Variants in RNF212B observed in about 807,000 individuals in gnomAD.
RNF212B encodes the protein ring finger protein 212B.
RNF212B carries 52 observed loss-of-function variants against 55.5 expected under a neutral mutation model. That is an observed-to-expected ratio of 0.94 (90% CI 0.75 to 1.18). The LOEUF (loss-of-function observed/expected upper bound fraction) is 1.18, where lower values mean the gene tolerates loss of function less well. Ranked by LOEUF, RNF212B falls within the 50% of genes most tolerant of loss-of-function variation. RNF212B has a pLI of 0.00. For missense variants in RNF212B, 289 were observed against 350.4 expected, an observed-to-expected ratio of 0.82 and a Z score of 1.40; for synonymous variants, 99 against 121.4, an observed-to-expected ratio of 0.82 and a Z score of 1.21.
intron 8 of RNF212B, 96 bp from the exon 9 acceptor site, chr14:23,262,832 A>T (rs889890991): frequency 1.4e-6 from 2 of 1,455,534 alleles, no homozygotes; most frequent in African/African-American, 1.4e-5. Flanking sequence ...ATATGAAAAC[A>T]TTATATAACC....
At chr14:23,215,059 T>C (rs972882207) in intron 2 of RNF212B, among the ~76,000 whole-genome samples, 1 of 152,200 alleles carries the variant, frequency 6.6e-6, no homozygotes, top group Non-Finnish European at 1.5e-5. Flanking sequence ...GTAATTCCAA[T>C]GTGTTGAGGG....
At chr14:23,195,515 C>T (rs188420555) in intron 2 of RNF212B, among the ~76,000 whole-genome samples, 19 of 152,268 alleles carry the variant, frequency 1.2e-4, no homozygotes, top group Admixed American at 5.2e-4. Flanking sequence ...TAATGCTCTT[C>T]CTTCATTATA....
At chr14:23,226,800 T>TTTA (rs1882069703) in intron 2 of RNF212B, among the ~76,000 whole-genome samples, 1 of 106,120 alleles carries the variant, frequency 9.4e-6, no homozygotes, top group Admixed American at 1.3e-4. Context: ...CCTTTCCTTC[T>TTTA]TTCTTCTTCT....
At chr14:23,214,480 T>G (rs1880878961) in intron 2 of RNF212B, among the ~76,000 whole-genome samples, 1 of 151,698 alleles carries the variant, frequency 6.6e-6, no homozygotes, top group African/African-American at 2.4e-5. Context: ...GGCAACAGAG[T>G]GAGACTCAGT....
At chr14:23,199,731 C>G (rs146040042) in intron 2 of RNF212B, among the ~76,000 whole-genome samples, 3,109 of 152,108 alleles carry the variant, frequency 0.02, 47 homozygotes, top group Non-Finnish European at 0.031. Context: ...CAACAACAAA[C>G]AAAAGAACAT....
At chr14:23,231,814 A>G (rs1177864656) in intron 2 of RNF212B, among the ~76,000 whole-genome samples, 3 of 151,976 alleles carry the variant, frequency 2.0e-5, no homozygotes, top group Admixed American at 2.0e-4. Flanking sequence ...TGGTTTTTGT[A>G]TTTTTTTGGT....
intron 2 of RNF212B, among the ~76,000 whole-genome samples, chr14:23,198,713 C>T (rs184490320): frequency 5.9e-4 from 89 of 151,574 alleles, no homozygotes; most frequent in Non-Finnish European, 5.3e-4. Flanking sequence ...AAACACTATA[C>T]TCTAGCTGGT....
chr14:23,196,067 C>T (rs899629045), intron 2 of RNF212B, among the ~76,000 whole-genome samples: 22 of 152,156 alleles, frequency 1.4e-4, no homozygotes, highest in African/African-American at 5.1e-4. Flanking sequence ...TGCTTACTAC[C>T]ACTTGGTCAC....
chr14:23,244,213 G>GT, intron 3 of RNF212B, 109 bp from the exon 4 acceptor site: 1 of 579,158 alleles, frequency 1.7e-6, no homozygotes, highest in East Asian at 3.0e-5. Flanking sequence ...ACACAGTGGA[G>GT]ATAATGTCAG....
At chr14:23,251,909 C>G (rs1420706604) in intron 4 of RNF212B, among the ~76,000 whole-genome samples, 1 of 151,662 alleles carries the variant, frequency 6.6e-6, no homozygotes, top group African/African-American at 2.4e-5. Flanking sequence ...GCTTCCATAC[C>G]CTCTCCAGAT....
chr14:23,196,712 G>A (rs1878749721), intron 2 of RNF212B, among the ~76,000 whole-genome samples: 1 of 152,188 alleles, frequency 6.6e-6, no homozygotes, highest in Non-Finnish European at 1.5e-5. Flanking sequence ...AAAGTGCTGG[G>A]ATTACAGGCA....
At chr14:23,258,692 G>C in intron 5 of RNF212B, 28 bp downstream of exon 5, 4 of 811,338 alleles carry the variant, frequency 4.9e-6, no homozygotes, top group Non-Finnish European at 7.1e-6. Flanking sequence ...TCCCAAGAGA[G>C]CTTTTTTTTT....
intron 3 of RNF212B, 78 bp from the exon 4 acceptor site, chr14:23,244,244 C>T (rs1327597157): frequency 4.1e-5 from 32 of 788,584 alleles, no homozygotes; most frequent in Non-Finnish European, 6.4e-5. Context: ...AAAGGTGGTA[C>T]ATCTTTTGTC....
intron 2 of RNF212B, among the ~76,000 whole-genome samples, chr14:23,207,688 T>C (rs566093593): frequency 6.3e-4 from 96 of 152,332 alleles, no homozygotes; most frequent in African/African-American, 2.1e-3. Flanking sequence ...ATGCGAATCC[T>C]GAAAATTTGA....
At chr14:23,202,042 G>A (rs746535809) in intron 2 of RNF212B, among the ~76,000 whole-genome samples, 3 of 151,834 alleles carry the variant, frequency 2.0e-5, no homozygotes, top group Admixed American at 1.3e-4. Flanking sequence ...CTTGAGGTCC[G>A]GAGTTCGAGA....
intron 2 of RNF212B, among the ~76,000 whole-genome samples, chr14:23,200,232 G>T (rs1879155828): frequency 6.6e-6 from 1 of 151,984 alleles, no homozygotes; most frequent in African/African-American, 2.4e-5. Flanking sequence ...ATGAAACTTT[G>T]TTCCATAGGA....
chr14:23,266,945 A>G (rs1234167722), intron 11 of RNF212B, among the ~76,000 whole-genome samples: 1 of 152,162 alleles, frequency 6.6e-6, no homozygotes, highest in Non-Finnish European at 1.5e-5. Context: ...AAAGTCACCA[A>G]CTATTATTGT....
chr14:23,236,116 T>C (rs1883071658), upstream of RNF212B, among the ~76,000 whole-genome samples: 1 of 152,248 alleles, frequency 6.6e-6, no homozygotes, highest in Non-Finnish European at 1.5e-5. Flanking sequence ...CTCCACCAGC[T>C]TTCTATTAAG....
At chr14:23,198,012 G>A (rs986696135) in intron 2 of RNF212B, among the ~76,000 whole-genome samples, 1 of 152,004 alleles carries the variant, frequency 6.6e-6, no homozygotes, top group African/African-American at 2.4e-5. Context: ...GTTAGGGTGG[G>A]GCAGGAACAA....
Sources: allele counts gnomAD v4.1 joint callset (sites outside exome capture counted in the v4.1 genomes callset), GRCh38; gene constraint gnomAD v4.1.1; transcripts MANE v1.5; gene names NCBI Gene and HGNC (gene_info 2026-07-23, HGNC 2026-07-21).